Variants in PPARGC1A observed in about 807,000 individuals in gnomAD.
PPARGC1A encodes the protein peroxisome proliferator-activated receptor gamma coactivator 1-alpha.
Under a neutral mutation model 88.7 loss-of-function variants are expected in PPARGC1A, and 25 were observed. The ratio of observed to expected loss-of-function variants is 0.28; its 90% CI spans 0.21 to 0.39. The LOEUF (loss-of-function observed/expected upper bound fraction) is 0.39, where lower values mean the gene tolerates loss of function less well. PPARGC1A is among the 10% of genes least tolerant of loss of function. The pLI is 1.00. For missense variants in PPARGC1A, 880 were observed against 968.7 expected (o/e 0.91, Z 1.22); for synonymous variants, 363 against 355.6 (o/e 1.02, Z -0.24).
chr4:23,951,241 A>G, the PPARGC1A span, among the ~76,000 whole-genome samples: 1 of 152,142 alleles, frequency 6.6e-6, no homozygotes, highest in Non-Finnish European at 1.5e-5. Flanking sequence ...TGCTGGGACC[A>G]AGCCAAGTAA....
chr4:24,464,301 G>A, the PPARGC1A span, among the ~76,000 whole-genome samples: 27 of 152,196 alleles, frequency 1.8e-4, no homozygotes, highest in Non-Finnish European at 2.6e-4. Context: ...ATTTGTTCAA[G>A]TTTATGTGGT....
the PPARGC1A span, among the ~76,000 whole-genome samples, chr4:23,972,304 C>T: frequency 1.3e-5 from 2 of 152,132 alleles, no homozygotes; most frequent in African/African-American, 2.4e-5. Flanking sequence ...TTCAATATTT[C>T]CTGCAAATAA....
At chr4:24,445,155 A>G in the PPARGC1A span, among the ~76,000 whole-genome samples, 3 of 152,194 alleles carry the variant, frequency 2.0e-5, no homozygotes, top group African/African-American at 7.2e-5. Context: ...TAGTCATCTC[A>G]GCAAATCCTC....
At chr4:23,882,930 C>T (rs1716224932) in intron 2 of PPARGC1A, 1 of 152,048 alleles carries the variant, frequency 6.6e-6, no homozygotes, top group African/African-American at 2.4e-5. Flanking sequence ...ATGCCATCTC[C>T]CCTACCGCTA....
At chr4:23,833,042 CTG>C (rs1725330820) in intron 2 of PPARGC1A, among the ~76,000 whole-genome samples, 1 of 152,172 alleles carries the variant, frequency 6.6e-6, no homozygotes, top group South Asian at 2.1e-4. Context: ...AACATCTACT[CTG>C]TGCCAGGGAC....
At chr4:23,953,782 C>G in the PPARGC1A span, among the ~76,000 whole-genome samples, 1 of 151,942 alleles carries the variant, frequency 6.6e-6, no homozygotes, top group Non-Finnish European at 1.5e-5. Context: ...AACAACTTCA[C>G]CTTCCAAAGT....
chr4:24,443,288 C>A, the PPARGC1A span, among the ~76,000 whole-genome samples: 1 of 147,384 alleles, frequency 6.8e-6, no homozygotes, highest in African/African-American at 2.5e-5. Flanking sequence ...ATACCACAAA[C>A]TTCAGAACCG....
intron 2 of PPARGC1A, among the ~76,000 whole-genome samples, chr4:23,856,272 G>T (rs367637979): frequency 6.6e-6 from 1 of 152,186 alleles, no homozygotes; most frequent in Non-Finnish European, 1.5e-5. Context: ...TTCCAAGAAA[G>T]AATTCTCTGT....
At chr4:24,197,228 C>T in the PPARGC1A span, among the ~76,000 whole-genome samples, 1 of 152,194 alleles carries the variant, frequency 6.6e-6, no homozygotes, top group Non-Finnish European at 1.5e-5. Flanking sequence ...CTGATCTTTG[C>T]TATTTTCCAG....
At chr4:24,128,928 C>A in the PPARGC1A span, among the ~76,000 whole-genome samples, 2 of 152,170 alleles carry the variant, frequency 1.3e-5, no homozygotes, top group African/African-American at 4.8e-5. Flanking sequence ...TAGAAAGTAA[C>A]AAAACACCCT....
At chr4:24,128,579 T>TGC in the PPARGC1A span, among the ~76,000 whole-genome samples, 12 of 135,576 alleles carry the variant, frequency 8.9e-5, no homozygotes, top group East Asian at 6.3e-4. Context: ...TGTGTGTGTG[T>TGC]GCACGCGCAT....
chr4:24,423,839 C>T, the PPARGC1A span, among the ~76,000 whole-genome samples: 5 of 152,296 alleles, frequency 3.3e-5, no homozygotes, highest in African/African-American at 1.2e-4. Context: ...ACCAACGCTG[C>T]CTACAAGTCA....
chr4:24,137,411 AAGAC>A, the PPARGC1A span, among the ~76,000 whole-genome samples: 2 of 152,182 alleles, frequency 1.3e-5, no homozygotes, highest in African/African-American at 4.8e-5. Context: ...CGAGCAAACT[AAGAC>A]AGGGCATTAG....
chr4:24,157,476 T>A, the PPARGC1A span, among the ~76,000 whole-genome samples: 13,458 of 152,182 alleles, frequency 0.088, 856 homozygotes, highest in South Asian at 0.2. Context: ...TTAAATAATA[T>A]CCTACATGTA....
chr4:24,041,352 T>G, the PPARGC1A span, among the ~76,000 whole-genome samples: 1 of 152,100 alleles, frequency 6.6e-6, no homozygotes, highest in Non-Finnish European at 1.5e-5. Flanking sequence ...ACTCCTGAAG[T>G]ATTCCCTCTC....
chr4:24,181,241 A>C, the PPARGC1A span, among the ~76,000 whole-genome samples: 1 of 152,224 alleles, frequency 6.6e-6, no homozygotes, highest in Non-Finnish European at 1.5e-5. Context: ...TACAAGAGTG[A>C]TCATAGCCCA....
chr4:23,872,137 G>A (rs1713508872), intron 2 of PPARGC1A, among the ~76,000 whole-genome samples: 1 of 152,090 alleles, frequency 6.6e-6, no homozygotes, highest in Non-Finnish European at 1.5e-5. Flanking sequence ...CCTTCCAGCT[G>A]GACTGAAATA....
chr4:24,347,165 G>A, the PPARGC1A span, among the ~76,000 whole-genome samples: 2 of 152,136 alleles, frequency 1.3e-5, no homozygotes, highest in African/African-American at 2.4e-5. Context: ...AATTTACTGA[G>A]GCTTGTTTTA....
chr4:23,905,884 A>G (rs1719971087), upstream of PPARGC1A, among the ~76,000 whole-genome samples: 2 of 152,230 alleles, frequency 1.3e-5, no homozygotes, highest in African/African-American at 4.8e-5. Context: ...TGTGCCCAAC[A>G]GTCGCATAAC....
Sources: allele counts gnomAD v4.1 joint callset (sites outside exome capture counted in the v4.1 genomes callset), GRCh38; gene constraint gnomAD v4.1.1; transcripts MANE v1.5; gene names NCBI Gene and HGNC (gene_info 2026-07-23, HGNC 2026-07-21).